The following ESRRB variants were observed in gnomAD, a reference collection of about 807,000 sequenced individuals.
The protein encoded by ESRRB is steroid hormone receptor ERR2.
Under a neutral mutation model 46.0 loss-of-function variants are expected in ESRRB, and 16 were observed. The observed-to-expected ratio is 0.35, with a 90% CI of 0.24 to 0.53. The LOEUF (loss-of-function observed/expected upper bound fraction) is 0.53, where lower values mean the gene tolerates loss of function less well. Among genes scored for constraint, ESRRB ranks in the 20% least tolerant of loss-of-function variants. The pLI, the probability that ESRRB is intolerant of heterozygous loss-of-function variation, is 0.93. For synonymous variants in ESRRB, 246 were observed against 259.6 expected (o/e 0.95, Z 0.50); for missense variants, 488 against 607.4 (o/e 0.80, Z 2.07).
rs373984037 is a variant in ESRRB at position 76,353,669 on chromosome 14, G to A, written c.2+42753G>A. Among the ~76,000 whole-genome samples, 39 of 152,294 alleles carry A rather than the reference G, an allele frequency of 2.6e-4. No homozygotes were observed. The East Asian group carries it at 6.2e-3, about 24-fold the overall frequency. ...ACTTGTCCAAGATCACAGATTGTAAGGGCTGGGTGTGGTGGCTCATGCCTG... is the reference window on the plus strand; with the variant it reads ...ACTTGTCCAAGATCACAGATTGTAAAGGCTGGGTGTGGTGGCTCATGCCTG... On this transcript the variant is annotated intron_variant, in intron 1 of 6. Transcript: ENST00000512784.
chr14:76,485,457 G>A (rs1296235664), intron 5 of ESRRB, among the ~76,000 whole-genome samples: 1 of 151,792 alleles, frequency 6.6e-6, no homozygotes, highest in East Asian at 1.9e-4. Context: ...GGCCAGGCTG[G>A]TCTCAAACTC....
Position 76,348,150 on chromosome 14 carries a change from C to A in ESRRB, c.2+37234C>A, listed in dbSNP as rs115604599. Among the ~76,000 whole-genome samples, 181 of 152,192 alleles carry A rather than the reference C, an allele frequency of 1.2e-3. 1 individual carries two copies. The highest frequency in any genetic ancestry group is 4.1e-3 in the African/African-American group (172 of 41,514). On this transcript the variant is annotated intron_variant, in intron 1 of 6. Transcript: ENST00000512784. Reference sequence around the variant, plus strand: ...TTGCACCAACCTAATAATTATTAGCCACTTCAAGGTGGCACAAACCTGGTA... The same window carrying A: ...TTGCACCAACCTAATAATTATTAGCAACTTCAAGGTGGCACAAACCTGGTA...
chr14:76,400,710 G>A (rs867034553), intron 1 of ESRRB, among the ~76,000 whole-genome samples: 1 of 152,154 alleles, frequency 6.6e-6, no homozygotes, highest in Admixed American at 6.5e-5. Context: ...CTCAAGCTGG[G>A]CCTTAAGTCT....
At chr14:76,349,716 A>AT (rs1463546027) in intron 1 of ESRRB, among the ~76,000 whole-genome samples, 2 of 152,148 alleles carry the variant, frequency 1.3e-5, no homozygotes, top group Non-Finnish European at 2.9e-5. Context: ...GAGGCAGGTC[A>AT]TTTTGTCTGG....
intron 3 of ESRRB, among the ~76,000 whole-genome samples, chr14:76,467,899 C>T (rs1039742018): frequency 2.0e-5 from 3 of 152,164 alleles, no homozygotes; most frequent in Non-Finnish European, 2.9e-5. Flanking sequence ...CGACCGGCCT[C>T]CCAAGCCCGC....
chr14:76,391,241 T>C (rs138374825), intron 1 of ESRRB, among the ~76,000 whole-genome samples: 289 of 152,344 alleles, frequency 1.9e-3, no homozygotes, highest in African/African-American at 5.1e-3. Flanking sequence ...TGGGCTTTTC[T>C]AGACTCCTCC....
At chr14:76,344,060 C>T (rs1259493998) in intron 1 of ESRRB, among the ~76,000 whole-genome samples, 2 of 152,168 alleles carry the variant, frequency 1.3e-5, no homozygotes, top group South Asian at 4.1e-4. Context: ...GTGCCTGCGG[C>T]AATAATTATT....
chr14:76,324,826 A>T (rs986291563), intron 1 of ESRRB, among the ~76,000 whole-genome samples: 1 of 152,098 alleles, frequency 6.6e-6, no homozygotes, highest in Non-Finnish European at 1.5e-5. Context: ...GGTCCTTTTG[A>T]TGGAATTAGG....
Position 76,380,116 on chromosome 14 carries a change from T to C in ESRRB, c.50+3665T>C, listed in dbSNP as rs545392438. On this transcript the variant is annotated intron_variant, in intron 1 of 6. Transcript: ENST00000644823. ...CCTGCGTGTGCTCCATTCATATTCC[T>C]GATAACTGGACATTTTGCCAAGTGG... Among the ~76,000 whole-genome samples, 35 of 152,296 alleles carry C rather than the reference T, an allele frequency of 2.3e-4. 1 individual carries two copies. The South Asian group carries it at 5.8e-3, about 25-fold the overall frequency.
At chr14:76,378,947 T>C (rs1884895190) in intron 1 of ESRRB, among the ~76,000 whole-genome samples, 1 of 152,126 alleles carries the variant, frequency 6.6e-6, no homozygotes, top group Non-Finnish European at 1.5e-5. Flanking sequence ...CTGCTCACTG[T>C]TTTGACCCCT....
At chr14:76,437,833 G>A (rs900098539) in intron 1 of ESRRB, among the ~76,000 whole-genome samples, 2 of 152,204 alleles carry the variant, frequency 1.3e-5, no homozygotes, top group Non-Finnish European at 2.9e-5. Flanking sequence ...CATCCTGGGA[G>A]CTGGGATACG....
At chr14:76,409,885 G>A (rs1268676957) in intron 1 of ESRRB, among the ~76,000 whole-genome samples, 1 of 152,186 alleles carries the variant, frequency 6.6e-6, no homozygotes, top group Non-Finnish European at 1.5e-5. Context: ...CCAAGGCTGT[G>A]CATGTCTCAT....
At chr14:76,463,572 G>C (rs1425956628) in intron 3 of ESRRB, 1 of 149,528 alleles carries the variant, frequency 6.7e-6, no homozygotes, top group South Asian at 2.1e-4. Flanking sequence ...TCAGCCTCCC[G>C]AGTAGCTGGG....
intron 2 of ESRRB, among the ~76,000 whole-genome samples, chr14:76,462,033 T>G (rs1415024706): frequency 6.6e-6 from 1 of 152,198 alleles, no homozygotes; most frequent in African/African-American, 2.4e-5. Flanking sequence ...ATCCTCAAGG[T>G]TAGCAAAGCC....
chr14:76,407,641 A>G, intron 1 of ESRRB: 1 of 940,854 alleles, frequency 1.1e-6, no homozygotes, highest in Non-Finnish European at 1.3e-6. Flanking sequence ...TGGCCGATTC[A>G]CACTCAGTCC....
chr14:76,332,785 T>C (rs1884046000), intron 1 of ESRRB, among the ~76,000 whole-genome samples: 1 of 9,362 alleles, frequency 1.1e-4, no homozygotes, highest in African/African-American at 3.5e-4. Flanking sequence ...TTATATATTA[T>C]ATATAAATAT....
chr14:76,442,724 AT>A (rs769389293), intron 2 of ESRRB, among the ~76,000 whole-genome samples: 2 of 151,974 alleles, frequency 1.3e-5, no homozygotes, highest in Non-Finnish European at 2.9e-5. Flanking sequence ...ATCTACATAT[AT>A]TTAAATAAAA....
chr14:76,329,509 TA>T (rs1440466590), intron 1 of ESRRB, among the ~76,000 whole-genome samples: 1 of 152,186 alleles, frequency 6.6e-6, no homozygotes, highest in Non-Finnish European at 1.5e-5. Context: ...TAGCCGCCCA[TA>T]AACAAATTAG....
At chr14:76,456,893 TA>T (rs1399417364) in intron 2 of ESRRB, among the ~76,000 whole-genome samples, 1 of 152,052 alleles carries the variant, frequency 6.6e-6, no homozygotes, top group Non-Finnish European at 1.5e-5. Context: ...CAGAGGTGTG[TA>T]AATAAGGGAG....
Sources: gnomAD v4.1 joint callset for allele counts (sites outside exome capture counted in the v4.1 genomes callset) on GRCh38, gnomAD v4.1.1 for gene constraint, MANE v1.5 for transcripts, NCBI Gene and HGNC (gene_info 2026-07-23, HGNC 2026-07-21) for gene names.